PTPRG: variants seen among roughly 807,000 people sequenced by gnomAD.
PTPRG encodes the protein receptor-type tyrosine-protein phosphatase gamma.
In PTPRG, 102 loss-of-function variants were observed where a neutral mutation model predicts 165.3. The ratio of observed to expected loss-of-function variants is 0.62; its 90% CI spans 0.53 to 0.73. The LOEUF (loss-of-function observed/expected upper bound fraction) is 0.73, where lower values mean the gene tolerates loss of function less well. PTPRG is among the 30% of genes least tolerant of loss of function. The probability of loss-of-function intolerance (pLI) is 0.00; values close to 1 mark genes in which losing one functional copy is unlikely to be tolerated. For synonymous variants in PTPRG, 675 were observed against 669.5 expected, an observed-to-expected ratio of 1.01 and a Z score of -0.13; for missense variants, 1,866 against 1,861.4, an observed-to-expected ratio of 1.00 and a Z score of -0.05.
At chr3:61,862,746 C>G (rs575896363) in intron 2 of PTPRG, among the ~76,000 whole-genome samples, 2 of 152,144 alleles carry the variant, frequency 1.3e-5, no homozygotes, top group Non-Finnish European at 2.9e-5. Flanking sequence ...TTTCACTCTT[C>G]TGGACTTTGT....
At chr3:61,851,292 C>G (rs1181987836) in intron 2 of PTPRG, among the ~76,000 whole-genome samples, 2 of 152,156 alleles carry the variant, frequency 1.3e-5, no homozygotes, top group Non-Finnish European at 2.9e-5. Flanking sequence ...AACTTTTTCA[C>G]TGTCTGTATT....
chr3:61,737,359 G>C (rs564765423), intron 1 of PTPRG, among the ~76,000 whole-genome samples: 3 of 152,232 alleles, frequency 2.0e-5, no homozygotes, highest in African/African-American at 7.2e-5. Context: ...ACGGTGTAGA[G>C]TATATACTGT....
rs750156665 is a variant in PTPRG, at chr3:62,275,982, AGTTT to A, written c.3559+20_3559+23del. 22 of 1,559,872 alleles carry A rather than the reference AGTTT, an allele frequency of 1.4e-5. No homozygotes were observed. The highest frequency in any genetic ancestry group is 4.1e-5 in the African/African-American group (3 of 73,578). On this transcript the variant is annotated intron_variant, in intron 24 of 29. Coordinates refer to ENST00000474889, the MANE Select transcript of PTPRG (RefSeq NM_002841.4). Reference sequence around the variant, plus strand: ...GTTGTGCCATGTAAGACTTTAAAACAGTTTGTTAGTGATCTTTTATACTGGATTG... The same window carrying A: ...GTTGTGCCATGTAAGACTTTAAAACAGTTAGTGATCTTTTATACTGGATTG...
Position 61,646,081 on chromosome 3 carries a change from T to G in PTPRG, c.85+83709T>G, listed in dbSNP as rs539692380. Reference sequence around the variant, plus strand: ...TAACTCTTTTGGATAAAATATGGTTTGTTTTTGATTCTCTGCAGTAGATCA... The same window carrying G: ...TAACTCTTTTGGATAAAATATGGTTGGTTTTTGATTCTCTGCAGTAGATCA... On this transcript the variant is annotated intron_variant, in intron 1 of 29. Transcript: ENST00000474889. 3.4e-4 allele frequency among the ~76,000 whole-genome samples: 52 copies of G among 152,262 alleles called. No homozygotes were observed. In the South Asian group the frequency reaches 0.011, roughly 32 times the overall value.
In PTPRG at chr3:62,122,620, T is replaced by C. The variant is rs550174370; in HGVS notation, c.616-9982T>C. On this transcript the variant is annotated intron_variant, in intron 5 of 29. Transcript: ENST00000474889. ...ACTTAGGTTCTGTGCTGCAATTAAT[T>C]GGTTTTCTATGTTTGTTTAAACATA... Among the ~76,000 whole-genome samples, 10 of 152,344 alleles carry C rather than the reference T, an allele frequency of 6.6e-5. No homozygotes were observed. In the East Asian group the frequency reaches 1.9e-3, roughly 29 times the overall value.
At chr3:62,180,988 A>G (rs1446155694) in intron 8 of PTPRG, among the ~76,000 whole-genome samples, 1 of 152,166 alleles carries the variant, frequency 6.6e-6, no homozygotes, top group African/African-American at 2.4e-5. Context: ...ACAGTTTTCA[A>G]ATTTGCTTTC....
intron 2 of PTPRG, among the ~76,000 whole-genome samples, chr3:61,926,141 A>G (rs1311725396): frequency 6.6e-6 from 1 of 152,184 alleles, no homozygotes; most frequent in Non-Finnish European, 1.5e-5. Flanking sequence ...TATTTTAAGG[A>G]AATCCATGGA....
intron 2 of PTPRG, chr3:61,750,083 G>C (rs2033370220): frequency 6.6e-6 from 1 of 152,180 alleles, no homozygotes; most frequent in South Asian, 2.1e-4. Context: ...GCAGTGAACA[G>C]ATAGTGATTC....
At chr3:61,685,162 G>T (rs545610266) in intron 1 of PTPRG, among the ~76,000 whole-genome samples, 5 of 152,296 alleles carry the variant, frequency 3.3e-5, no homozygotes, top group African/African-American at 1.2e-4. Context: ...AAAAAATTGG[G>T]CAATGTGCTT....
intron 5 of PTPRG, among the ~76,000 whole-genome samples, chr3:62,102,862 A>G (rs181375466): frequency 1.3e-5 from 2 of 150,346 alleles, no homozygotes; most frequent in Admixed American, 1.3e-4. Flanking sequence ...GGCACCTACC[A>G]GTAATTTCTC....
chr3:62,180,422 G>A (rs58036889), intron 8 of PTPRG, among the ~76,000 whole-genome samples: 11,968 of 152,234 alleles, frequency 0.079, 734 homozygotes, highest in East Asian at 0.34. Context: ...CCCTAGCTCC[G>A]CAGCCAGGTC....
intron 4 of PTPRG, among the ~76,000 whole-genome samples, chr3:62,004,876 C>A (rs1275192947): frequency 6.6e-6 from 1 of 152,094 alleles, no homozygotes; most frequent in Non-Finnish European, 1.5e-5. Flanking sequence ...TTCTTGAGAC[C>A]CCCTTCACAA....
chr3:61,675,584 T>C (rs1203243351), intron 1 of PTPRG, among the ~76,000 whole-genome samples: 1 of 152,204 alleles, frequency 6.6e-6, no homozygotes, highest in Non-Finnish European at 1.5e-5. Context: ...GGCTATCTTT[T>C]AATAACAGGA....
chr3:61,886,780 A>G (rs151283407), intron 2 of PTPRG, among the ~76,000 whole-genome samples: 1 of 152,228 alleles, frequency 6.6e-6, no homozygotes, highest in African/African-American at 2.4e-5. Context: ...TTTATAGATA[A>G]TCTTCTTCCA....
chr3:62,062,172 GCCTGTAATC>G (rs1248283456), intron 4 of PTPRG, among the ~76,000 whole-genome samples: 1 of 152,014 alleles, frequency 6.6e-6, no homozygotes, highest in Non-Finnish European at 1.5e-5. Flanking sequence ...GGTGGCGCGT[GCCTGTAATC>G]CCAGCTACTC....
At chr3:62,238,151 G>A (rs1437299187) in intron 14 of PTPRG, among the ~76,000 whole-genome samples, 2 of 152,232 alleles carry the variant, frequency 1.3e-5, no homozygotes, top group Non-Finnish European at 2.9e-5. Context: ...CTCTGTGAGA[G>A]GGATATGAGA....
At chr3:61,582,028 C>T (rs1459079161) in intron 1 of PTPRG, among the ~76,000 whole-genome samples, 1 of 152,028 alleles carries the variant, frequency 6.6e-6, no homozygotes, top group African/African-American at 2.4e-5. Context: ...AGTGCAGTGG[C>T]GTGATCTCCC....
At chr3:61,804,106 T>A (rs891792664) in intron 2 of PTPRG, among the ~76,000 whole-genome samples, 20 of 152,358 alleles carry the variant, frequency 1.3e-4, no homozygotes, top group African/African-American at 4.3e-4. Context: ...TAAATGCCCT[T>A]GGGCTTTCTG....
intron 2 of PTPRG, among the ~76,000 whole-genome samples, chr3:61,799,698 C>A (rs2035174071): frequency 6.6e-6 from 1 of 152,162 alleles, no homozygotes; most frequent in African/African-American, 2.4e-5. Flanking sequence ...ACCTTGATCT[C>A]CTGGACTGAG....
Sources: allele counts gnomAD v4.1 joint callset (sites outside exome capture counted in the v4.1 genomes callset), GRCh38; gene constraint gnomAD v4.1.1; transcripts MANE v1.5; gene names NCBI Gene and HGNC (gene_info 2026-07-23, HGNC 2026-07-21).